IL17REL: variants seen among roughly 807,000 people sequenced by gnomAD.
The protein encoded by IL17REL is interleukin 17 receptor E like, also known as interleukin-17 receptor E-like protein.
Under a neutral mutation model 49.0 loss-of-function variants are expected in IL17REL, and 36 were observed. The observed-to-expected ratio is 0.73, with a 90% CI of 0.56 to 0.97. The LOEUF (loss-of-function observed/expected upper bound fraction) is 0.97, where lower values mean the gene tolerates loss of function less well. Ranked by LOEUF, IL17REL falls within the 50% of genes least tolerant of loss-of-function variation. The pLI is 0.00. For synonymous variants in IL17REL, 206 were observed against 192.4 expected, an observed-to-expected ratio of 1.07 and a Z score of -0.58; for missense variants, 470 against 453.9, an observed-to-expected ratio of 1.04 and a Z score of -0.32.
rs565360497 is a variant in IL17REL, at chr22:50,000,773, C to T, written c.200G>A (p.Arg67Gln). 1.7e-5 allele frequency: 27 copies of T among 1,594,232 alleles called. No individual in the cohort carries two copies. Among genetic ancestry groups the T allele is most frequent in the East Asian group, 1.3e-4 (6 of 44,650 alleles). ...CCTCACCTGCTGCCCCCCCTGCTGC[C>T]GGTGGGAGGCCCTGGCCACCCACAC... The change falls in exon 3 of 13, where the codon CGG (arginine) becomes CAG (glutamine). Residue 67 changes from arginine (R) to glutamine (Q), a missense_variant. Physicochemically the swap from Arg to Gln is conservative, Grantham distance 43. Transcript: ENST00000341280.
At position 50,000,179 on chromosome 22, in the gene IL17REL, CGAA is replaced by C. The variant is rs1434787680; in HGVS notation, c.335-215_335-213del. Among the ~76,000 whole-genome samples, 1 of 152,208 alleles carries C rather than the reference CGAA, an allele frequency of 6.6e-6. No homozygotes were observed. On this transcript the variant is annotated intron_variant, in intron 4 of 12. Coordinates refer to ENST00000341280, the Ensembl canonical transcript of IL17REL. ...CGTCTGAGGGTCTTCGCAGGGGCGTCGAAGGAGGGAACTCACCGAGGCAGTCGG... is the reference window on the plus strand; with the variant it reads ...CGTCTGAGGGTCTTCGCAGGGGCGTCGGAGGGAACTCACCGAGGCAGTCGG...
intron 1 of IL17REL, among the ~76,000 whole-genome samples, chr22:50,003,751 T>C (rs2061092010): frequency 6.6e-6 from 1 of 152,176 alleles, no homozygotes; most frequent in Admixed American, 6.5e-5. Flanking sequence ...GTGAAAAATC[T>C]ATATGTAACA....
chr22:50,001,077 C>T lies in IL17REL; in HGVS notation c.109+5G>A. ...TTAACTCCCACCCTCGAGGCCACCTCTCACCATGCAGGGTGATGGAGGCGC... is the reference window on the plus strand; with the variant it reads ...TTAACTCCCACCCTCGAGGCCACCTTTCACCATGCAGGGTGATGGAGGCGC... On this transcript the variant is annotated splice_donor_5th_base_variant and intron_variant, in intron 2 of 12. Coordinates refer to ENST00000341280, the Ensembl canonical transcript of IL17REL. 4 of 1,574,466 alleles carry T rather than the reference C, an allele frequency of 2.5e-6. No individual in the cohort carries two copies. The highest frequency in any genetic ancestry group is 3.5e-6 in the Non-Finnish European group (4 of 1,159,232).
chr22:50,000,557 C>T, exon 4 of IL17REL: 1 of 1,613,534 alleles, frequency 6.2e-7, no homozygotes, highest in South Asian at 1.1e-5. Flanking sequence ...GGTGCTGGGC[C>T]ACGCTCACCG....
chr22:49,996,977 A>T lies in IL17REL; in HGVS notation c.*44+17T>A. On this transcript the variant is annotated intron_variant, in intron 12 of 12. Coordinates refer to ENST00000341280, the Ensembl canonical transcript of IL17REL. Reference sequence around the variant, plus strand: ...TGGAGGAGATGGCTAGGGGCTGGGCACAGCAGCGACACCCACCTGGATGCA... The same window carrying T: ...TGGAGGAGATGGCTAGGGGCTGGGCTCAGCAGCGACACCCACCTGGATGCA... 1 of 1,361,220 alleles carries T rather than the reference A, an allele frequency of 7.3e-7. No individual in the cohort carries two copies. Among genetic ancestry groups the T allele is most frequent in the Non-Finnish European group, 1.0e-6 (1 of 996,296 alleles). 84.3% of individuals were successfully genotyped at this position (1,361,220 alleles called of 1,614,324 possible). A position where few individuals can be genotyped will look rare whatever the true frequency, so the allele number is the denominator to read the frequency against.
chr22:49,997,893 A>G (rs2061046841), intron 9 of IL17REL, 132 bp downstream of exon 11: 1 of 1,402,528 alleles, frequency 7.1e-7, no homozygotes, highest in Admixed American at 1.9e-5. Context: ...CTGTCAGACC[A>G]GGAGGGGGCT....
chr22:50,010,136 T>C (rs940851709), upstream of IL17REL, among the ~76,000 whole-genome samples: 2 of 152,192 alleles, frequency 1.3e-5, no homozygotes, highest in African/African-American at 4.8e-5. Flanking sequence ...CCCCAGAGAC[T>C]GCCGTGAGTG....
At chr22:50,000,380 AGT>A in intron 4 of IL17REL, 96 bp downstream of exon 5, 1 of 880,862 alleles carries the variant, frequency 1.1e-6, no homozygotes, top group Non-Finnish European at 1.9e-6. Flanking sequence ...GGATCTGTCC[AGT>A]GTGAGGGCCA....
downstream of IL17REL, among the ~76,000 whole-genome samples, chr22:49,991,852 C>A (rs1351581498): frequency 2.6e-5 from 4 of 152,176 alleles, no homozygotes; most frequent in Admixed American, 2.6e-4. Context: ...GTTGAGGACA[C>A]GAGCCCATGA....
chr22:50,010,633 GCT>G (rs2061134400), upstream of IL17REL, among the ~76,000 whole-genome samples: 1 of 152,230 alleles, frequency 6.6e-6, no homozygotes, highest in Non-Finnish European at 1.5e-5. Context: ...AAGGGCGTCT[GCT>G]CTCTCTCCTG....
At chr22:49,994,436 C>A, downstream of IL17REL, 1 of 152,506 alleles carries the variant, frequency 6.6e-6, no homozygotes. Context: ...TTGGGTCCAG[C>A]CTGGTGGGGA....
At chr22:50,001,043 C>A in intron 2 of IL17REL, 39 bp downstream of exon 3, 1 of 1,464,890 alleles carries the variant, frequency 6.8e-7, no homozygotes. Context: ...ACTGCTGGAC[C>A]TGCGGGTGTT....
At chr22:49,997,663 G>C in intron 10 of IL17REL, 22 bp downstream of exon 12, 1 of 1,608,056 alleles carries the variant, frequency 6.2e-7, no homozygotes, top group Non-Finnish European at 8.5e-7. Flanking sequence ...TCCACATTGC[G>C]TAGGCCTCAT....
chr22:50,005,361 T>C (rs1291169958), intron 1 of IL17REL, among the ~76,000 whole-genome samples: 3 of 152,132 alleles, frequency 2.0e-5, no homozygotes, highest in African/African-American at 7.2e-5. Flanking sequence ...CAGATGTGCT[T>C]GCTTCAGGAA....
intron 12 of IL17REL, 64 bp from the exon 15 acceptor site, chr22:49,996,924 AG>A (rs754785982): frequency 8.4e-5 from 62 of 740,384 alleles, no homozygotes; most frequent in Middle Eastern, 3.7e-4. Flanking sequence ...GGGGATGGGA[AG>A]GGGGGGTGTG....
chr22:49,998,427 T>G, intron 7 of IL17REL, 118 bp from the exon 10 acceptor site: 1 of 777,422 alleles, frequency 1.3e-6, no homozygotes, highest in Non-Finnish European at 2.0e-6. Context: ...GTCCTATGGG[T>G]CTCTGAGCCC....
At chr22:50,002,963 A>G (rs1296258202) in intron 1 of IL17REL, among the ~76,000 whole-genome samples, 3 of 152,184 alleles carry the variant, frequency 2.0e-5, no homozygotes, top group Non-Finnish European at 4.4e-5. Flanking sequence ...GAGACAGGAA[A>G]CGGCCACAGT....
chr22:50,000,014 G>A, intron 4 of IL17REL, 47 bp from the exon 7 acceptor site: 1 of 1,430,694 alleles, frequency 7.0e-7, no homozygotes, highest in Non-Finnish European at 9.2e-7. Flanking sequence ...AGCGGTCACC[G>A]ACGCGGGGCT....
intron 1 of IL17REL, among the ~76,000 whole-genome samples, chr22:50,003,534 A>C (rs2046701000): frequency 6.6e-6 from 1 of 150,764 alleles, no homozygotes; most frequent in African/African-American, 2.4e-5. Context: ...AAAAAAAAAA[A>C]AAAAAAAAAG....
Sources: allele counts gnomAD v4.1 joint callset (sites outside exome capture counted in the v4.1 genomes callset), GRCh38; gene constraint gnomAD v4.1.1; transcripts MANE v1.5; gene names NCBI Gene and HGNC (gene_info 2026-07-23, HGNC 2026-07-21).